The following CDK13 variants were observed in gnomAD, a reference collection of about 807,000 sequenced individuals.
CDK13 encodes cyclin-dependent kinase 13.
In CDK13, 40 loss-of-function variants were observed where a neutral mutation model predicts 137.6. That is an observed-to-expected ratio of 0.29 (90% confidence interval 0.23 to 0.38). CDK13 has a LOEUF of 0.38. Ranked by LOEUF, CDK13 falls within the 10% of genes least tolerant of loss-of-function variation. The pLI is 1.00. For synonymous variants in CDK13, 869 were observed against 760.1 expected, an observed-to-expected ratio of 1.14 and a Z score of -2.36; for missense variants, 1,704 against 1,951.8, an observed-to-expected ratio of 0.87 and a Z score of 2.39.
At chr7:40,011,701 A>G (rs1186189241) in intron 5 of CDK13, among the ~76,000 whole-genome samples, 1 of 149,716 alleles carries the variant, frequency 6.7e-6, no homozygotes, top group Non-Finnish European at 1.5e-5. Context: ...AGGTAGGAGT[A>G]AGACTTTATG....
At chr7:40,038,228 G>GT (rs1230136051) in intron 5 of CDK13, among the ~76,000 whole-genome samples, 7 of 151,948 alleles carry the variant, frequency 4.6e-5, no homozygotes, top group Non-Finnish European at 8.8e-5. Flanking sequence ...TAGCAATGTT[G>GT]TAAGTGCTCT....
At position 40,024,806 on chromosome 7, in the gene CDK13, C is replaced by T. The variant is rs943620018; in HGVS notation, c.2354-21030C>T. 4.6e-5 allele frequency among the ~76,000 whole-genome samples: 7 copies of T among 151,958 alleles called. 1 individual carries two copies. Among genetic ancestry groups the T allele is most frequent in the South Asian group, 4.2e-4 (2 of 4,806 alleles). ...TACCTCCTGAGTAGCTGGGATTACA[C>T]GTGTGCGCCAGCACGCCTGGCTAAT... On this transcript the variant is annotated intron_variant, in intron 5 of 13. Transcript: ENST00000181839.
intron 1 of CDK13, among the ~76,000 whole-genome samples, chr7:39,979,704 T>G (rs1208850487): frequency 6.6e-6 from 1 of 152,148 alleles, no homozygotes; most frequent in African/African-American, 2.4e-5. Context: ...ACCTTACATT[T>G]TAAGAGGAAC....
rs139418651 is a variant in CDK13, at chr7:39,988,012, C to A, written c.1625C>A (p.Pro542His). The change falls in exon 2 of 14, where the codon CCT becomes CAT. Residue 542 changes from proline (P) to histidine (H), a missense_variant. Physicochemically the swap from Pro to His is moderately conservative, Grantham distance 77. Around this residue, in one of 5 missense-constraint regions of CDK13, gnomAD observed 1,051 missense variants for 931.0 expected, o/e 1.13. Coordinates refer to ENST00000181839, the MANE Select transcript of CDK13 (RefSeq NM_003718.5). ...AATGACAAAGCAAAAACAAAGCCACCTCTTCAGGTAACGAAGGTGGAAAAT... is the reference window on the plus strand; with the variant it reads ...AATGACAAAGCAAAAACAAAGCCACATCTTCAGGTAACGAAGGTGGAAAAT... ...LKNDKAKTKPPLQVTKVENNL... is the reference protein window; with the variant it reads ...LKNDKAKTKPHLQVTKVENNL... 6.2e-7 allele frequency: 1 copy of A among 1,614,056 alleles called. No individual in the cohort carries two copies. The highest frequency in any genetic ancestry group is 1.7e-5 in the Admixed American group (1 of 60,006).
intron 5 of CDK13, among the ~76,000 whole-genome samples, chr7:40,005,817 C>T (rs544320134): frequency 6.6e-6 from 1 of 152,202 alleles, no homozygotes; most frequent in South Asian, 2.1e-4. Flanking sequence ...GCAGCCTTGA[C>T]CTCAGGCAGT....
intron 1 of CDK13, among the ~76,000 whole-genome samples, chr7:39,962,412 C>T (rs1381352084): frequency 6.6e-6 from 1 of 152,166 alleles, no homozygotes; most frequent in Non-Finnish European, 1.5e-5. Context: ...TTTCATGTGT[C>T]TTTTGGCTGC....
chr7:39,978,623 A>C (rs1784156207), intron 1 of CDK13, among the ~76,000 whole-genome samples: 1 of 152,240 alleles, frequency 6.6e-6, no homozygotes, highest in South Asian at 2.1e-4. Flanking sequence ...CATCACAATT[A>C]ATAGAGTAAG....
chr7:40,021,596 CT>C (rs1029044907), intron 5 of CDK13, among the ~76,000 whole-genome samples: 3 of 151,928 alleles, frequency 2.0e-5, no homozygotes, highest in East Asian at 1.9e-4. Context: ...AACCAACATA[CT>C]TTTTTTTGAA....
chr7:40,017,590 C>T (rs950839331), intron 5 of CDK13, among the ~76,000 whole-genome samples: 1 of 151,788 alleles, frequency 6.6e-6, no homozygotes, highest in Non-Finnish European at 1.5e-5. Flanking sequence ...TTGACATTTT[C>T]TACTGATTTA....
chr7:40,015,150 G>A (rs1264882268), intron 5 of CDK13, among the ~76,000 whole-genome samples: 1 of 152,206 alleles, frequency 6.6e-6, no homozygotes, highest in Non-Finnish European at 1.5e-5. Context: ...TCAAGGAAAT[G>A]TAGAGTTAGT....
intron 5 of CDK13, among the ~76,000 whole-genome samples, chr7:40,007,294 G>A (rs114077787): frequency 0.039 from 5,979 of 152,268 alleles, 345 homozygotes; most frequent in African/African-American, 0.13. Context: ...TGTTTGGTCC[G>A]GGGAAGAAGT....
chr7:39,999,781 C>A (rs1784645394), intron 4 of CDK13, among the ~76,000 whole-genome samples: 1 of 151,988 alleles, frequency 6.6e-6, no homozygotes, highest in Non-Finnish European at 1.5e-5. Flanking sequence ...GTGAATAATT[C>A]TTATACTGTT....
intron 2 of CDK13, among the ~76,000 whole-genome samples, chr7:39,996,733 C>T (rs960782597): frequency 2.2e-4 from 34 of 151,904 alleles, no homozygotes; most frequent in African/African-American, 5.8e-4. Flanking sequence ...GAGGCCAAGG[C>T]GGGTGGATCA....
At chr7:39,969,005 T>TTTTG (rs371764730) in intron 1 of CDK13, among the ~76,000 whole-genome samples, 190 of 152,164 alleles carry the variant, frequency 1.2e-3, no homozygotes, top group Non-Finnish European at 1.8e-3. Flanking sequence ...AGGTGGGTTT[T>TTTTG]TTTGTTTGTT....
intron 7 of CDK13, among the ~76,000 whole-genome samples, chr7:40,057,142 C>A (rs58787667): frequency 0.11 from 16,845 of 152,086 alleles, 3,068 homozygotes; most frequent in African/African-American, 0.38. Context: ...GTAATCCCAG[C>A]TACTTGGGAG....
At chr7:39,954,907 C>T (rs1236600555) in intron 1 of CDK13, among the ~76,000 whole-genome samples, 1 of 152,174 alleles carries the variant, frequency 6.6e-6, no homozygotes, top group African/African-American at 2.4e-5. Context: ...CAGGTGTGAG[C>T]CACCACATCC....
chr7:40,052,659 G>T (rs1299777001), intron 7 of CDK13, among the ~76,000 whole-genome samples: 1 of 152,158 alleles, frequency 6.6e-6, no homozygotes, highest in Non-Finnish European at 1.5e-5. Flanking sequence ...CCTTTTTGAA[G>T]GCAGTATCGC....
intron 5 of CDK13, among the ~76,000 whole-genome samples, chr7:40,042,540 G>A (rs1275629814): frequency 4.0e-5 from 5 of 124,358 alleles, no homozygotes; most frequent in South Asian, 2.6e-4. Flanking sequence ...GTGCAGTGGC[G>A]CAATCACAGC....
intron 2 of CDK13, among the ~76,000 whole-genome samples, chr7:39,993,606 A>T (rs185284385): frequency 6.6e-6 from 1 of 152,080 alleles, no homozygotes; most frequent in Non-Finnish European, 1.5e-5. Context: ...CATACCATGG[A>T]TAATGTTTCT....
Sources: allele counts gnomAD v4.1 joint callset (sites outside exome capture counted in the v4.1 genomes callset), GRCh38; gene constraint gnomAD v4.1.1; regional missense constraint gnomAD v4.1.1; transcripts MANE v1.5; gene names NCBI Gene and HGNC (gene_info 2026-07-23, HGNC 2026-07-21).